SHISA9: variants seen among roughly 807,000 people sequenced by gnomAD.
SHISA9 encodes the protein protein shisa-9.
SHISA9 carries 13 observed loss-of-function variants against 38.0 expected under a neutral mutation model. The observed-to-expected ratio is 0.34, with a 90% CI of 0.22 to 0.54. SHISA9 has a LOEUF of 0.54. Among genes scored for constraint, SHISA9 ranks in the 20% least tolerant of loss-of-function variants. The probability of loss-of-function intolerance (pLI) is 0.91; values close to 1 mark genes in which losing one functional copy is unlikely to be tolerated. For synonymous variants in SHISA9, 275 were observed against 242.0 expected, an observed-to-expected ratio of 1.14 and a Z score of -1.27; for missense variants, 538 against 575.8, an observed-to-expected ratio of 0.93 and a Z score of 0.67.
At chr16:13,165,503 T>C (rs1337897146) in intron 2 of SHISA9, among the ~76,000 whole-genome samples, 1 of 152,212 alleles carries the variant, frequency 6.6e-6, no homozygotes, top group African/African-American at 2.4e-5. Flanking sequence ...TAATAAATAG[T>C]AGTATAGGTA....
At chr16:13,332,339 G>T in the SHISA9 span, among the ~76,000 whole-genome samples, 2 of 152,164 alleles carry the variant, frequency 1.3e-5, no homozygotes, top group African/African-American at 4.8e-5. Context: ...ACCCTTCCCA[G>T]GCCCATGAAA....
chr16:13,376,481 C>G, the SHISA9 span, among the ~76,000 whole-genome samples: 1 of 152,178 alleles, frequency 6.6e-6, no homozygotes, highest in South Asian at 2.1e-4. Flanking sequence ...TCTAATGTAT[C>G]TGAAGTCATT....
At chr16:13,155,504 T>C (rs1204918088) in intron 2 of SHISA9, among the ~76,000 whole-genome samples, 1 of 152,202 alleles carries the variant, frequency 6.6e-6, no homozygotes, top group Non-Finnish European at 1.5e-5. Context: ...CTGAGGGAGA[T>C]AATTTCAGTC....
the SHISA9 span, among the ~76,000 whole-genome samples, chr16:13,333,165 A>G: frequency 0.23 from 34,650 of 152,008 alleles, 4,217 homozygotes; most frequent in African/African-American, 0.31. Flanking sequence ...TGCATGATGC[A>G]ATTGGAACAT....
chr16:13,459,704 T>C, the SHISA9 span, among the ~76,000 whole-genome samples: 1 of 152,172 alleles, frequency 6.6e-6, no homozygotes, highest in East Asian at 1.9e-4. Flanking sequence ...AACAGGAGGC[T>C]GTAATTGACC....
chr16:13,495,439 C>T, the SHISA9 span, among the ~76,000 whole-genome samples: 1 of 151,964 alleles, frequency 6.6e-6, no homozygotes, highest in East Asian at 1.9e-4. Context: ...CCAAAGAATC[C>T]CAATTTCATT....
At chr16:12,957,989 A>G (rs1484341793) in intron 2 of SHISA9, among the ~76,000 whole-genome samples, 2 of 152,230 alleles carry the variant, frequency 1.3e-5, no homozygotes, top group Non-Finnish European at 2.9e-5. Flanking sequence ...TCCAAATACC[A>G]TCGCAATGGG....
intron 2 of SHISA9, among the ~76,000 whole-genome samples, chr16:13,037,119 C>CAG (rs1465041644): frequency 2.1e-5 from 3 of 142,144 alleles, no homozygotes; most frequent in Non-Finnish European, 4.7e-5. Context: ...GACACACACA[C>CAG]ACACACACAC....
At chr16:13,089,874 G>A (rs2141946277) in intron 2 of SHISA9, among the ~76,000 whole-genome samples, 1 of 152,152 alleles carries the variant, frequency 6.6e-6, no homozygotes, top group South Asian at 2.1e-4. Flanking sequence ...TGCTTCTCTA[G>A]TTCTTTTCAT....
chr16:13,073,444 A>G (rs541178213), intron 2 of SHISA9, among the ~76,000 whole-genome samples: 1 of 152,194 alleles, frequency 6.6e-6, no homozygotes, highest in African/African-American at 2.4e-5. Flanking sequence ...AAGGGCATTG[A>G]TCTCCCACGT....
chr16:13,021,079 C>G (rs2072846947), intron 2 of SHISA9, among the ~76,000 whole-genome samples: 1 of 152,142 alleles, frequency 6.6e-6, no homozygotes, highest in African/African-American at 2.4e-5. Context: ...CTTGGCTATT[C>G]AACTTTATGG....
At chr16:13,404,935 A>T in the SHISA9 span, among the ~76,000 whole-genome samples, 2 of 152,196 alleles carry the variant, frequency 1.3e-5, no homozygotes, top group Non-Finnish European at 2.9e-5. Context: ...CTCTGGACAC[A>T]GTCATAGATG....
chr16:13,162,734 G>A (rs2050606033), intron 2 of SHISA9, among the ~76,000 whole-genome samples: 1 of 152,060 alleles, frequency 6.6e-6, no homozygotes, highest in African/African-American at 2.4e-5. Context: ...GAGAAAGTGG[G>A]AATGAATCTT....
chr16:13,259,399 G>A, the SHISA9 span, among the ~76,000 whole-genome samples: 5 of 152,170 alleles, frequency 3.3e-5, no homozygotes, highest in South Asian at 1.0e-3. Context: ...ATAGTGCAAG[G>A]TGTCAGTGGA....
chr16:13,315,926 G>A, the SHISA9 span, among the ~76,000 whole-genome samples: 1 of 151,980 alleles, frequency 6.6e-6, no homozygotes, highest in South Asian at 2.1e-4. Context: ...AGTGAATATG[G>A]ATAAAATTGC....
chr16:13,350,061 A>T, the SHISA9 span: 5 of 152,314 alleles, frequency 3.3e-5, no homozygotes, highest in African/African-American at 1.2e-4. Flanking sequence ...TGGCATTTGA[A>T]TGAGTGGACT....
intron 2 of SHISA9, among the ~76,000 whole-genome samples, chr16:12,958,980 G>C (rs940232619): frequency 6.6e-6 from 1 of 152,184 alleles, no homozygotes; most frequent in African/African-American, 2.4e-5. Context: ...GGTATAGGGG[G>C]CAATGGGTAT....
intron 2 of SHISA9, among the ~76,000 whole-genome samples, chr16:13,014,804 T>C (rs921466272): frequency 6.6e-6 from 1 of 152,238 alleles, no homozygotes; most frequent in African/African-American, 2.4e-5. Context: ...GGGACTTTGT[T>C]CTTTTGTTTG....
At chr16:13,490,457 T>C in the SHISA9 span, among the ~76,000 whole-genome samples, 1 of 151,914 alleles carries the variant, frequency 6.6e-6, no homozygotes, top group East Asian at 1.9e-4. Flanking sequence ...CTCAGCTCCT[T>C]GGGAGGATGA....
Sources: allele counts gnomAD v4.1 joint callset (sites outside exome capture counted in the v4.1 genomes callset), GRCh38; gene constraint gnomAD v4.1.1; transcripts MANE v1.5; gene names NCBI Gene and HGNC (gene_info 2026-07-23, HGNC 2026-07-21).